Variants in MPP7 observed in about 807,000 individuals in gnomAD.
MPP7 encodes MAGUK p55 subfamily member 7.
A neutral mutation model predicts 76.5 loss-of-function variants in MPP7; 60 were observed. The ratio of observed to expected loss-of-function variants is 0.78; its 90% CI spans 0.64 to 0.97. The LOEUF is 0.97. Ranked by LOEUF, MPP7 falls within the 50% of genes least tolerant of loss-of-function variation. The pLI, the probability that MPP7 is intolerant of heterozygous loss-of-function variation, is 0.00. For missense variants in MPP7, 641 were observed against 694.0 expected, an observed-to-expected ratio of 0.92 and a Z score of 0.86; for synonymous variants, 237 against 244.5, an observed-to-expected ratio of 0.97 and a Z score of 0.29.
At chr10:28,138,319 C>T (rs181179968) in intron 5 of MPP7, among the ~76,000 whole-genome samples, 1 of 152,248 alleles carries the variant, frequency 6.6e-6, no homozygotes, top group Admixed American at 6.5e-5. Context: ...AACAAAGTCT[C>T]TATATAGAAC....
chr10:28,293,972 T>C (rs1840981851), intron 1 of MPP7, among the ~76,000 whole-genome samples: 1 of 151,956 alleles, frequency 6.6e-6, no homozygotes, highest in Admixed American at 6.6e-5. Context: ...AGAAAGAAAA[T>C]GAACCAGGCA....
chr10:28,124,212 T>C (rs980996833), intron 7 of MPP7, 96 bp from the exon 8 acceptor site: 49 of 804,644 alleles, frequency 6.1e-5, no homozygotes, highest in Non-Finnish European at 8.1e-5. Context: ...TTAGGTTCCC[T>C]TAATACACTT....
At chr10:28,146,002 G>A (rs2133754353) in intron 5 of MPP7, among the ~76,000 whole-genome samples, 1 of 152,000 alleles carries the variant, frequency 6.6e-6, no homozygotes, top group African/African-American at 2.4e-5. Context: ...TTTTTTGTCT[G>A]AAACATGCTG....
chr10:28,288,487 C>G (rs1840837347), intron 1 of MPP7, among the ~76,000 whole-genome samples: 1 of 152,120 alleles, frequency 6.6e-6, no homozygotes, highest in East Asian at 1.9e-4. Flanking sequence ...GTGATCGTCC[C>G]ACCTCGGCCT....
intron 13 of MPP7, among the ~76,000 whole-genome samples, chr10:28,063,010 AAC>A (rs1851853412): frequency 6.6e-6 from 1 of 152,206 alleles, no homozygotes. Context: ...ATCAAAATTA[AAC>A]ACTTTTGCTT....
chr10:28,261,200 G>A (rs1468373209), intron 1 of MPP7, among the ~76,000 whole-genome samples: 1 of 152,190 alleles, frequency 6.6e-6, no homozygotes. Flanking sequence ...ACACACAGGT[G>A]AGAAAACACA....
At chr10:28,255,635 G>C (rs778705250) in intron 1 of MPP7, among the ~76,000 whole-genome samples, 3 of 152,008 alleles carry the variant, frequency 2.0e-5, no homozygotes, top group Non-Finnish European at 2.9e-5. Flanking sequence ...TCAATCTCCT[G>C]ACCTCTTTAT....
At chr10:28,269,223 T>C (rs1306230046) in intron 1 of MPP7, among the ~76,000 whole-genome samples, 4 of 152,176 alleles carry the variant, frequency 2.6e-5, no homozygotes, top group Admixed American at 6.6e-5. Context: ...CCTAACCCCA[T>C]TGCTCCAGCA....
chr10:28,317,701 A>T (rs545475532), intron 2 of MPP7, among the ~76,000 whole-genome samples: 2 of 152,330 alleles, frequency 1.3e-5, no homozygotes, highest in Admixed American at 6.5e-5. Flanking sequence ...ATTTCACCAC[A>T]TTGATACAGT....
intron 1 of MPP7, among the ~76,000 whole-genome samples, chr10:28,255,178 A>C (rs1482869616): frequency 2.0e-5 from 3 of 152,176 alleles, no homozygotes; most frequent in African/African-American, 7.2e-5. Flanking sequence ...TAATGGTGCT[A>C]TCTCAGCTCA....
chr10:28,329,650 A>C (rs1409225292), intron 2 of MPP7, among the ~76,000 whole-genome samples: 2 of 144,618 alleles, frequency 1.4e-5, no homozygotes, highest in Non-Finnish European at 3.0e-5. Context: ...AAAAAAAAAA[A>C]AACCACTACT....
At chr10:28,300,808 A>C (rs1841136483) in intron 1 of MPP7, among the ~76,000 whole-genome samples, 1 of 151,802 alleles carries the variant, frequency 6.6e-6, no homozygotes, top group African/African-American at 2.4e-5. Context: ...AAAAAAAAAA[A>C]AATAGCTGGG....
At chr10:28,224,871 A>G (rs543678053) in intron 2 of MPP7, among the ~76,000 whole-genome samples, 1 of 152,306 alleles carries the variant, frequency 6.6e-6, no homozygotes, top group African/African-American at 2.4e-5. Flanking sequence ...AAAAATAAAA[A>G]TAAAAATTTT....
At chr10:28,319,831 C>G (rs1834349907) in intron 2 of MPP7, among the ~76,000 whole-genome samples, 1 of 151,752 alleles carries the variant, frequency 6.6e-6, no homozygotes, top group South Asian at 2.1e-4. Context: ...AGAAAATTAG[C>G]CGGGTGTGGT....
intron 1 of MPP7, among the ~76,000 whole-genome samples, chr10:28,334,172 G>C (rs548553556): frequency 4.6e-5 from 7 of 152,060 alleles, no homozygotes; most frequent in African/African-American, 1.7e-4. Context: ...CTGCACTCCA[G>C]TCTGGGTGAC....
chr10:28,294,303 T>A (rs1589036334), intron 1 of MPP7, among the ~76,000 whole-genome samples: 1 of 152,156 alleles, frequency 6.6e-6, no homozygotes, highest in African/African-American at 2.4e-5. Context: ...CAAGACTCCG[T>A]CTCGAGAAGA....
intron 1 of MPP7, among the ~76,000 whole-genome samples, chr10:28,277,388 A>C (rs1211158098): frequency 6.6e-6 from 1 of 151,888 alleles, no homozygotes; most frequent in Non-Finnish European, 1.5e-5. Flanking sequence ...TAATTAAAAA[A>C]ATAAATTTTT....
chr10:28,206,834 G>A (rs562222450), intron 2 of MPP7, among the ~76,000 whole-genome samples: 1 of 152,200 alleles, frequency 6.6e-6, no homozygotes, highest in East Asian at 1.9e-4. Context: ...TACTCTTTAA[G>A]TATCTTTAAC....
At chr10:28,300,944 C>T (rs1841140648) in intron 1 of MPP7, among the ~76,000 whole-genome samples, 1 of 145,970 alleles carries the variant, frequency 6.9e-6, no homozygotes, top group Non-Finnish European at 1.5e-5. Flanking sequence ...TGAGACTCCA[C>T]CTCAGAAAAA....
Sources: gnomAD v4.1 joint callset for allele counts (sites outside exome capture counted in the v4.1 genomes callset) on GRCh38, gnomAD v4.1.1 for gene constraint, MANE v1.5 for transcripts, NCBI Gene and HGNC (gene_info 2026-07-23, HGNC 2026-07-21) for gene names.